The following STS variants were observed in gnomAD, a reference collection of about 807,000 sequenced individuals.
STS encodes the protein steroid sulfatase.
STS carries 7 observed loss-of-function variants against 26.8 expected under a neutral mutation model. That is an observed-to-expected ratio of 0.26 (90% confidence interval 0.15 to 0.49). The LOEUF is 0.49. STS is among the 20% of genes least tolerant of loss of function. The probability of loss-of-function intolerance (pLI) is 0.98; values close to 1 mark genes in which losing one functional copy is unlikely to be tolerated. For synonymous variants in STS, 199 were observed against 189.4 expected, an observed-to-expected ratio of 1.05 and a Z score of -0.42; for missense variants, 434 against 465.6, an observed-to-expected ratio of 0.93 and a Z score of 0.63.
Position 7,191,736 on chromosome X carries a change from GC to G in STS, c.-5+729del, listed in dbSNP as rs201192917. Among the ~76,000 whole-genome samples, 982 of 108,790 alleles carry G rather than the reference GC, an allele frequency of 9.0e-3. 13 individuals carry two copies. Among genetic ancestry groups the G allele is most frequent in the African/African-American group, 0.031 (930 of 29,685 alleles). 94.5% of individuals were successfully genotyped at this position (108,790 alleles called of 115,157 possible). A position where few individuals can be genotyped will look rare whatever the true frequency, so the allele number is the denominator to read the frequency against. ...CCCCTGGTGGAGTTGAAGGTTGAGGGCATACCCAGGTTCATCCCTGCAGGAG... is the reference window on the plus strand; with the variant it reads ...CCCCTGGTGGAGTTGAAGGTTGAGGGATACCCAGGTTCATCCCTGCAGGAG... On this transcript the variant is annotated intron_variant, in intron 2 of 10. Coordinates refer to ENST00000674429, the MANE Select transcript of STS (RefSeq NM_001320752.2).
chrX:7,290,453 T>C (rs1482859406), intron 7 of STS, among the ~76,000 whole-genome samples: 2 of 112,318 alleles, frequency 1.8e-5, no homozygotes, highest in African/African-American at 6.5e-5. Context: ...GTAGTTCTCA[T>C]GGCAGCCTTC....
chrX:7,225,123 C>T (rs1041748280), intron 2 of STS, among the ~76,000 whole-genome samples: 1 of 112,133 alleles, frequency 8.9e-6, no homozygotes, highest in Non-Finnish European at 1.9e-5. Context: ...TGTTCATACC[C>T]TCTGGTTAAT....
Position 7,205,641 on chromosome X carries a change from CTTTTTTT to C in STS, c.-5+14642_-5+14648del, listed in dbSNP as rs11318727. The stretch of plus-strand genomic sequence containing the variant: ...TTCGTTTTCTTTTCTTTTCTTTTTT[CTTTTTTT>C]TTTTTTTTGAGACAGTTTCTTGCTC... On this transcript the variant is annotated intron_variant, in intron 2 of 10. Transcript: ENST00000674429. Among the ~76,000 whole-genome samples, 12 of 87,997 alleles carry C rather than the reference CTTTTTTT, an allele frequency of 1.4e-4. No individual in the cohort carries two copies. The Admixed American group carries it at 1.6e-3, about 12-fold the overall frequency. The allele number at this position is 87,997 out of a possible 115,157, so 76.4% of individuals were successfully genotyped here.
chrX:7,263,225 C>T (rs763701225), intron 6 of STS, among the ~76,000 whole-genome samples: 7 of 111,191 alleles, frequency 6.3e-5, no homozygotes, highest in African/African-American at 2.3e-4. Context: ...TGTGCCACCA[C>T]GCCCAGCTAA....
chrX:7,318,975 T>C (rs1318240704), intron 8 of STS, among the ~76,000 whole-genome samples: 1 of 111,588 alleles, frequency 9.0e-6, no homozygotes, highest in Non-Finnish European at 1.9e-5. Flanking sequence ...GGAGATTTGT[T>C]TTATTTTGCT....
intron 7 of STS, among the ~76,000 whole-genome samples, chrX:7,280,208 A>G (rs1455288286): frequency 9.0e-6 from 1 of 111,470 alleles, no homozygotes; most frequent in East Asian, 2.8e-4. Context: ...TGATGATAAG[A>G]CTATAGGTTT....
chrX:7,205,156 A>G lies in STS; in HGVS notation c.-5+14148A>G, dbSNP rs556939937. Among the ~76,000 whole-genome samples, 45 of 112,396 alleles carry G rather than the reference A, an allele frequency of 4.0e-4. 3 individuals carry two copies. The South Asian group carries it at 0.016, about 40-fold the overall frequency. ...TAGACTTTTGGGCAATTGCACAATC[A>G]TCCATGCTAGCACAGGAAAGCTCTT... On this transcript the variant is annotated intron_variant, in intron 2 of 10. Coordinates refer to ENST00000674429, the MANE Select transcript of STS (RefSeq NM_001320752.2).
chrX:7,308,303 G>A (rs188568859), intron 8 of STS, among the ~76,000 whole-genome samples: 2 of 112,224 alleles, frequency 1.8e-5, no homozygotes, highest in East Asian at 2.8e-4. Context: ...AGCAGCTGCC[G>A]AGGAGGAGAC....
chrX:7,226,884 G>A (rs1280049916), intron 2 of STS, among the ~76,000 whole-genome samples: 2 of 112,016 alleles, frequency 1.8e-5, no homozygotes. Flanking sequence ...GACAGAGCAT[G>A]ACCCTGTCTC....
chrX:7,301,098 G>A (rs1925942561), intron 7 of STS, among the ~76,000 whole-genome samples: 1 of 110,994 alleles, frequency 9.0e-6, no homozygotes, highest in South Asian at 3.8e-4. Flanking sequence ...GCATGAGGAA[G>A]TCTAGGAGTC....
chrX:7,340,000 A>G (rs1272144180), intron 10 of STS, among the ~76,000 whole-genome samples: 2 of 109,464 alleles, frequency 1.8e-5, no homozygotes, highest in African/African-American at 6.6e-5. Flanking sequence ...CTACAATGCA[A>G]ACTTACTTCC....
Position 7,309,068 on chromosome X carries a change from G to A in STS, c.1081+3885G>A, listed in dbSNP as rs923313159. ...TCTGCCACCCAGGCTACAGTGCAGC[G>A]GAGCCATCTCGGTATTTGAACTTAA... On this transcript the variant is annotated intron_variant, in intron 8 of 10. Coordinates refer to ENST00000674429, the MANE Select transcript of STS (RefSeq NM_001320752.2). 1.4e-4 allele frequency among the ~76,000 whole-genome samples: 16 copies of A among 111,237 alleles called. No individual in the cohort carries two copies. The East Asian group carries it at 1.7e-3, about 12-fold the overall frequency.
At chrX:7,185,838 C>T in intron 1 of STS, among the ~76,000 whole-genome samples, 1 of 112,359 alleles carries the variant, frequency 8.9e-6, no homozygotes, top group Non-Finnish European at 1.9e-5. Flanking sequence ...ATTGAGTTAA[C>T]ATTTCCATCA....
Position 7,350,492 on chromosome X carries a change from T to G in STS, c.*231T>G. ...AGGAAGATGGTAGGTTTATGCCTTCTGTGGCCAGAGTCTTGGACTCATGGA... is the reference window on the plus strand; with the variant it reads ...AGGAAGATGGTAGGTTTATGCCTTCGGTGGCCAGAGTCTTGGACTCATGGA... On this transcript the variant is annotated 3_prime_UTR_variant, in exon 11 of 11. Transcript: ENST00000674429. 1 of 442,568 alleles carries G rather than the reference T, an allele frequency of 2.3e-6. No individual in the cohort carries two copies. Among genetic ancestry groups the G allele is most frequent in the East Asian group, 3.8e-5 (1 of 26,057 alleles). The allele number at this position is 442,568 out of a possible 1,213,427, so 36.5% of individuals were successfully genotyped here. A position where few individuals can be genotyped will look rare whatever the true frequency, so the allele number is the denominator to read the frequency against.
At chrX:7,255,474 G>A (rs1452094303) in intron 3 of STS, among the ~76,000 whole-genome samples, 1 of 111,574 alleles carries the variant, frequency 9.0e-6, no homozygotes, top group African/African-American at 3.3e-5. Context: ...CTACCAAGAT[G>A]TCTTAATTAA....
intron 7 of STS, among the ~76,000 whole-genome samples, chrX:7,277,773 G>A (rs1044114488): frequency 3.6e-5 from 4 of 112,243 alleles, no homozygotes; most frequent in East Asian, 2.8e-4. Flanking sequence ...CTTAGGGCTC[G>A]TACATATACC....
chrX:7,319,397 G>A (rs113069570), intron 8 of STS, among the ~76,000 whole-genome samples: 28 of 110,075 alleles, frequency 2.5e-4, no homozygotes, highest in African/African-American at 8.9e-4. Context: ...CTGGTCTCAA[G>A]CATCTCACCT....
chrX:7,225,661 A>G (rs1921769176), intron 2 of STS, among the ~76,000 whole-genome samples: 1 of 111,743 alleles, frequency 8.9e-6, no homozygotes, highest in Admixed American at 9.5e-5. Flanking sequence ...TGTTTGTACA[A>G]GCATTTCAGG....
At chrX:7,201,875 G>A (rs1934079580) in intron 2 of STS, among the ~76,000 whole-genome samples, 1 of 110,931 alleles carries the variant, frequency 9.0e-6, no homozygotes, top group Non-Finnish European at 1.9e-5. Flanking sequence ...TGCTAGGATG[G>A]ACCCCTGACA....
Sources: allele counts gnomAD v4.1 joint callset (sites outside exome capture counted in the v4.1 genomes callset), GRCh38; gene constraint gnomAD v4.1.1; transcripts MANE v1.5; gene names NCBI Gene and HGNC (gene_info 2026-07-23, HGNC 2026-07-21).